Variants in EZR observed in about 807,000 individuals in gnomAD.
The protein encoded by EZR is ezrin.
A neutral mutation model predicts 74.8 loss-of-function variants in EZR; 40 were observed. The ratio of observed to expected loss-of-function variants is 0.53; its 90% CI spans 0.42 to 0.70. The LOEUF is 0.70. Ranked by LOEUF, EZR falls within the 30% of genes least tolerant of loss-of-function variation. The probability of loss-of-function intolerance (pLI) is 0.00; values close to 1 mark genes in which losing one functional copy is unlikely to be tolerated. For synonymous variants in EZR, 341 were observed against 283.3 expected, an observed-to-expected ratio of 1.20 and a Z score of -2.05; for missense variants, 678 against 755.8, an observed-to-expected ratio of 0.90 and a Z score of 1.21.
intron 2 of EZR, among the ~76,000 whole-genome samples, chr6:158,804,001 G>C (rs1012758885): frequency 2.0e-5 from 3 of 152,140 alleles, no homozygotes; most frequent in African/African-American, 7.2e-5. Context: ...CTGGGAGGCA[G>C]AAAGGAGCTG....
chr6:158,775,421 A>G (rs1279070296), intron 8 of EZR, among the ~76,000 whole-genome samples: 1 of 152,192 alleles, frequency 6.6e-6, no homozygotes, highest in Non-Finnish European at 1.5e-5. Flanking sequence ...GTATGTGGGG[A>G]GAAGTAACAG....
intron 2 of EZR, among the ~76,000 whole-genome samples, chr6:158,807,721 C>T (rs1009749132): frequency 6.6e-6 from 1 of 152,124 alleles, no homozygotes; most frequent in African/African-American, 2.4e-5. Context: ...GCTCACCACC[C>T]CCTGACGATG....
chr6:158,810,265 C>CAAA lies in EZR; in HGVS notation c.12+7816_12+7817insTTT, dbSNP rs1251767575. Among the ~76,000 whole-genome samples the CAAA allele has an allele frequency of 6.8e-4, 104 of 152,198 alleles. 1 individual carries two copies. In the Middle Eastern group the frequency reaches 0.01, roughly 15 times the overall value. On this transcript the variant is annotated intron_variant, in intron 2 of 13. Transcript: ENST00000367075. Reference sequence around the variant, plus strand: ...TCCTTTGAAACAGCATTACTGTTTGCCTGTAAGTGTTAAGAACGGGTTAAT... The same window carrying CAAA: ...TCCTTTGAAACAGCATTACTGTTTGCAAACTGTAAGTGTTAAGAACGGGTTAAT...
intron 2 of EZR, among the ~76,000 whole-genome samples, chr6:158,802,116 A>C (rs1654351410): frequency 6.7e-6 from 1 of 149,786 alleles, no homozygotes; most frequent in South Asian, 2.1e-4. Context: ...TGGCCTCCCC[A>C]CCCATTCCTT....
intron 7 of EZR, among the ~76,000 whole-genome samples, chr6:158,778,388 CA>C (rs1791340140): frequency 6.6e-6 from 1 of 152,194 alleles, no homozygotes; most frequent in African/African-American, 2.4e-5. Flanking sequence ...AATTCATAGC[CA>C]CTCATAAGCA....
chr6:158,777,147 G>A (rs904457981), intron 7 of EZR, among the ~76,000 whole-genome samples: 1 of 152,174 alleles, frequency 6.6e-6, no homozygotes, highest in African/African-American at 2.4e-5. Context: ...TGATCATTTA[G>A]TTCTATGAAA....
At position 158,766,736 on chromosome 6, in the gene EZR, AAAAC is replaced by A; in HGVS notation, c.*174_*177del. 2 of 666,376 alleles carry A rather than the reference AAAAC, an allele frequency of 3.0e-6. No homozygotes were observed. The highest frequency in any genetic ancestry group is 2.6e-6 in the Non-Finnish European group (1 of 381,512). The allele number at this position is 666,376 out of a possible 1,614,324, so 41.3% of individuals were successfully genotyped here. A position where few individuals can be genotyped will look rare whatever the true frequency, so the allele number is the denominator to read the frequency against. On this transcript the variant is annotated 3_prime_UTR_variant, in exon 14 of 14. Transcript: ENST00000367075. ...CTGCTTGGCACTATTACAACTGGGGAAAACAAACCAGGGCGCCTCCCTGGTTCCC... is the reference window on the plus strand; with the variant it reads ...CTGCTTGGCACTATTACAACTGGGGAAAACCAGGGCGCCTCCCTGGTTCCC...
intron 3 of EZR, chr6:158,788,288 CTGTT>C (rs1791636658): frequency 1.3e-5 from 2 of 152,184 alleles, no homozygotes; most frequent in Admixed American, 1.3e-4. Context: ...CTCTAGAAGT[CTGTT>C]TATTAAATGC....
In EZR at chr6:158,767,284, C is replaced by T. The variant is rs781182006; in HGVS notation, c.1573G>A (p.Glu525Lys). Reference sequence around the variant, plus strand: ...ACCAGCAGCTGCCGCTGCACACGCTCGTTCTTCTCTGCCTCAGTGATGCGC... The same window carrying T: ...ACCAGCAGCTGCCGCTGCACACGCTTGTTCTTCTCTGCCTCAGTGATGCGC... ...EKRITEAEKN[E>K]RVQRQLLTLS... The change falls in exon 13 of 14, where the codon GAG (glutamate) becomes AAG (lysine). Residue 525 changes from glutamate to lysine, a missense_variant. By Grantham distance (56) the Glu-to-Lys change is moderately conservative. This residue lies in a region of EZR where 342 missense variants were observed against 341.2 expected (regional missense o/e 1.00). Transcript: ENST00000367075. The T allele has an allele frequency of 5.4e-5, 87 of 1,613,674 alleles. No homozygotes were observed. Among genetic ancestry groups the T allele is most frequent in the African/African-American group, 6.7e-5 (5 of 74,944 alleles).
At chr6:158,780,531 AAAG>A (rs1231409431) in intron 7 of EZR, among the ~76,000 whole-genome samples, 1 of 152,170 alleles carries the variant, frequency 6.6e-6, no homozygotes, top group South Asian at 2.1e-4. Context: ...CAAGGAATTT[AAAG>A]AAGAGACATG....
rs749920123 is a variant in EZR at position 158,769,338 on chromosome 6, C to T, written c.1332G>A (p.Glu444=). The T allele has an allele frequency of 1.2e-6, 2 of 1,609,710 alleles. No homozygotes were observed. The highest frequency in any genetic ancestry group is 1.7e-5 in the Admixed American group (1 of 60,006). The change falls in exon 12 of 14, where the codon GAG becomes GAA. Residue 444 remains glutamate, a synonymous_variant. Coordinates refer to ENST00000367075, the MANE Select transcript of EZR (RefSeq NM_001111077.2). ...CGTGCAGACTCACCCTGTGCTGCCA[C>T]TCTTCAACTTCATCCTCCTTGCGCC... is the stretch of plus-strand genomic sequence containing the variant. ...ARRRKEDEVE[E]WQHRAKEAQD...
chr6:158,771,106 C>G, intron 9 of EZR, 138 bp downstream of exon 9: 1 of 1,377,804 alleles, frequency 7.3e-7, no homozygotes, highest in South Asian at 1.4e-5. Flanking sequence ...ACAAAGGCCT[C>G]GAAGATCCCA....
At position 158,785,393 on chromosome 6, in the gene EZR, T is replaced by C; in HGVS notation, c.383A>G (p.Tyr128Cys). 2.5e-6 allele frequency: 4 copies of C among 1,614,178 alleles called. No homozygotes were observed. The highest frequency in any genetic ancestry group is 3.4e-6 in the Non-Finnish European group (4 of 1,180,026). The change falls in exon 5 of 14, where the codon TAC (tyrosine) becomes TGC (cysteine). Residue 128 changes from tyrosine (Y) to cysteine (C), a missense_variant. This residue lies in a region of EZR where 217 missense variants were observed against 232.2 expected (regional missense o/e 0.93). Coordinates refer to ENST00000367075, the MANE Select transcript of EZR (RefSeq NM_001111077.2). ...GTCCCCAAACTTGGCCTGCACAGCG[T>C]AGGACCCCAAGAGCACGGCAGTCTC... ...PPETAVLLGS[Y>C]AVQAKFGDYN... is the part of the protein sequence containing the mutation.
intron 2 of EZR, among the ~76,000 whole-genome samples, chr6:158,790,182 T>C (rs1425349999): frequency 2.6e-5 from 4 of 152,206 alleles, no homozygotes; most frequent in African/African-American, 9.6e-5. Context: ...ACGAAAATAG[T>C]AGAAACTGGG....
At chr6:158,803,606 CATATATATAT>C (rs60330512) in intron 2 of EZR, among the ~76,000 whole-genome samples, 898 of 36,010 alleles carry the variant, frequency 0.025, 65 homozygotes, top group African/African-American at 0.027. Flanking sequence ...TATATATATA[CATATATATAT>C]ATATATATAC....
intron 2 of EZR, among the ~76,000 whole-genome samples, chr6:158,796,682 C>T (rs933425405): frequency 2.0e-5 from 3 of 152,186 alleles, no homozygotes; most frequent in Non-Finnish European, 4.4e-5. Flanking sequence ...CGTAACTCTG[C>T]AGTGGTTAAG....
chr6:158,789,695 C>T (rs943275644), intron 2 of EZR, among the ~76,000 whole-genome samples: 3 of 152,266 alleles, frequency 2.0e-5, no homozygotes, highest in Non-Finnish European at 4.4e-5. Flanking sequence ...TCACAGCTCA[C>T]TAGTCATGAT....
At chr6:158,797,753 A>C (rs1777103712) in intron 2 of EZR, among the ~76,000 whole-genome samples, 1 of 152,236 alleles carries the variant, frequency 6.6e-6, no homozygotes, top group South Asian at 2.1e-4. Flanking sequence ...GGTTCACTTA[A>C]TTGGGTAATT....
At chr6:158,791,017 G>A (rs1034136229) in intron 2 of EZR, among the ~76,000 whole-genome samples, 1 of 152,150 alleles carries the variant, frequency 6.6e-6, no homozygotes, top group Admixed American at 6.5e-5. Context: ...TATCCAGCCA[G>A]GGAACCAGAA....
Sources: allele counts gnomAD v4.1 joint callset (sites outside exome capture counted in the v4.1 genomes callset), GRCh38; gene constraint gnomAD v4.1.1; regional missense constraint gnomAD v4.1.1; transcripts MANE v1.5; gene names NCBI Gene and HGNC (gene_info 2026-07-23, HGNC 2026-07-21).